Variants in HECW1 observed in about 807,000 individuals in gnomAD.
The protein encoded by HECW1 is E3 ubiquitin-protein ligase HECW1.
HECW1 carries 61 observed loss-of-function variants against 182.3 expected under a neutral mutation model. That is an observed-to-expected ratio of 0.33 (90% CI 0.27 to 0.41). The LOEUF (loss-of-function observed/expected upper bound fraction) is 0.41. Among genes scored for constraint, HECW1 ranks in the 10% least tolerant of loss-of-function variants. The pLI is 1.00. For missense variants in HECW1, 1,739 were observed against 2,108.9 expected, an observed-to-expected ratio of 0.82 and a Z score of 3.44; for synonymous variants, 859 against 832.6, an observed-to-expected ratio of 1.03 and a Z score of -0.55.
chr7:43,173,290 A>G lies in HECW1; in HGVS notation c.-32+58899A>G, dbSNP rs143713119. On this transcript the variant is annotated intron_variant, in intron 2 of 29. Transcript: ENST00000395891. ...TAAGCAGAGGAAGAATGGTTTTGCT[A>G]TCTGGTTTCTGGAAAGAACGGTTTG... Among the ~76,000 whole-genome samples the G allele has an allele frequency of 1.1e-3, 173 of 152,254 alleles. 4 individuals carry two copies. The highest frequency in any genetic ancestry group is 9.8e-3 in the Admixed American group (150 of 15,302).
chr7:43,501,663 TCTACAAAAAAATTAAAA>T (rs2079365968), intron 21 of HECW1, among the ~76,000 whole-genome samples: 1 of 151,756 alleles, frequency 6.6e-6, no homozygotes, highest in Non-Finnish European at 1.5e-5. Flanking sequence ...GCTCCCCTTC[TCTACAAAAAAATTAAAA>T]CTAAGCCAAG....
At chr7:43,511,519 A>G (rs2079871505) in intron 24 of HECW1, 1 of 152,254 alleles carries the variant, frequency 6.6e-6, no homozygotes, top group Non-Finnish European at 1.5e-5. Flanking sequence ...TCCATGTGGA[A>G]TCACACTTTT....
At chr7:43,538,578 A>G (rs1332966039) in intron 24 of HECW1, among the ~76,000 whole-genome samples, 1 of 152,218 alleles carries the variant, frequency 6.6e-6, no homozygotes, top group Non-Finnish European at 1.5e-5. Flanking sequence ...CATCGCTCAC[A>G]TCTCAAAATA....
intron 2 of HECW1, among the ~76,000 whole-genome samples, chr7:43,149,951 AT>A (rs1338242436): frequency 6.6e-6 from 1 of 152,196 alleles, no homozygotes; most frequent in Non-Finnish European, 1.5e-5. Context: ...ATCTTTTGGC[AT>A]TGCTGAATGC....
chr7:43,251,671 C>T (rs1800047694), intron 3 of HECW1, among the ~76,000 whole-genome samples: 1 of 152,180 alleles, frequency 6.6e-6, no homozygotes, highest in Non-Finnish European at 1.5e-5. Context: ...AGCTAAGATG[C>T]TTTTGGAGTT....
intron 21 of HECW1, among the ~76,000 whole-genome samples, chr7:43,503,470 A>G (rs891664954): frequency 1.3e-5 from 2 of 152,256 alleles, no homozygotes; most frequent in African/African-American, 2.4e-5. Context: ...CATATTGCAA[A>G]TAGAAAAATA....
chr7:43,264,581 C>CA (rs1801534161), intron 3 of HECW1, among the ~76,000 whole-genome samples: 1 of 152,090 alleles, frequency 6.6e-6, no homozygotes, highest in Non-Finnish European at 1.5e-5. Context: ...CGCGGTGGCT[C>CA]ACGCCTGTAA....
intron 2 of HECW1, among the ~76,000 whole-genome samples, chr7:43,231,957 G>A (rs1300460594): frequency 1.4e-5 from 2 of 147,870 alleles, no homozygotes; most frequent in African/African-American, 5.0e-5. Context: ...GGGAGGCGGA[G>A]CTTGCAGTGA....
At chr7:43,400,173 C>T (rs985162396) in intron 7 of HECW1, among the ~76,000 whole-genome samples, 1 of 152,158 alleles carries the variant, frequency 6.6e-6, no homozygotes, top group African/African-American at 2.4e-5. Context: ...GGGTTAGAGG[C>T]TACAGTGAGC....
chr7:43,407,520 TC>T, intron 7 of HECW1, 41 bp from the exon 8 acceptor site: 1 of 1,477,582 alleles, frequency 6.8e-7, no homozygotes, highest in Non-Finnish European at 9.2e-7. Flanking sequence ...GTCGTTAACC[TC>T]CCTAAAACAT....
At chr7:43,456,788 G>A (rs2077417309) in intron 13 of HECW1, among the ~76,000 whole-genome samples, 1 of 152,142 alleles carries the variant, frequency 6.6e-6, no homozygotes, top group Admixed American at 6.5e-5. Context: ...TCCAGGCACT[G>A]TACCCAAATT....
chr7:43,463,621 C>T lies in HECW1; in HGVS notation c.2652-39C>T, dbSNP rs371972218. The T allele has an allele frequency of 1.8e-5, 28 of 1,595,966 alleles. No homozygotes were observed. In the African/African-American group the frequency reaches 3.2e-4, roughly 18 times the overall value. ...AGAGTTTTGGCCCCCAAGGAGCAAA[C>T]CAAAGTTAACTCCTGTCTTTCCATT... On this transcript the variant is annotated intron_variant, in intron 13 of 29. Coordinates refer to ENST00000395891, the MANE Select transcript of HECW1 (RefSeq NM_015052.5).
intron 2 of HECW1, among the ~76,000 whole-genome samples, chr7:43,145,696 C>A (rs1788635300): frequency 2.0e-5 from 3 of 152,122 alleles, no homozygotes; most frequent in Admixed American, 2.0e-4. Flanking sequence ...CATGTATTGC[C>A]ACAAGAGATA....
At chr7:43,171,891 C>T (rs1791728368) in intron 2 of HECW1, among the ~76,000 whole-genome samples, 1 of 152,086 alleles carries the variant, frequency 6.6e-6, no homozygotes, top group Non-Finnish European at 1.5e-5. Flanking sequence ...TACTTGTGTG[C>T]TGTGAGCTTT....
intron 6 of HECW1, 125 bp downstream of exon 6, chr7:43,361,105 C>A: frequency 1.6e-6 from 1 of 616,734 alleles, no homozygotes; most frequent in Non-Finnish European, 2.9e-6. Flanking sequence ...TACATACACA[C>A]ATATGGAGAT....
intron 2 of HECW1, among the ~76,000 whole-genome samples, chr7:43,145,187 G>T (rs1417410778): frequency 6.6e-6 from 1 of 152,160 alleles, no homozygotes; most frequent in Non-Finnish European, 1.5e-5. Context: ...GGGTTGATTG[G>T]ATTGTGGGTT....
At chr7:43,172,194 T>A (rs1562629064) in intron 2 of HECW1, among the ~76,000 whole-genome samples, 1 of 151,436 alleles carries the variant, frequency 6.6e-6, no homozygotes, top group Non-Finnish European at 1.5e-5. Context: ...CTCAGGAGGC[T>A]AAGGCACGAG....
chr7:43,287,226 CAG>C (rs1185036287), intron 3 of HECW1, among the ~76,000 whole-genome samples: 2 of 151,532 alleles, frequency 1.3e-5, no homozygotes, highest in East Asian at 3.9e-4. Flanking sequence ...GGATGTTACA[CAG>C]GGGATTAGGG....
At chr7:43,155,126 T>C (rs1789738739) in intron 2 of HECW1, among the ~76,000 whole-genome samples, 1 of 152,180 alleles carries the variant, frequency 6.6e-6, no homozygotes, top group African/African-American at 2.4e-5. Context: ...GGCTAACTTG[T>C]AGCACGACTT....
Sources: gnomAD v4.1 joint callset for allele counts (sites outside exome capture counted in the v4.1 genomes callset) on GRCh38, gnomAD v4.1.1 for gene constraint, MANE v1.5 for transcripts, NCBI Gene and HGNC (gene_info 2026-07-23, HGNC 2026-07-21) for gene names.